Variants in GRID2 observed in about 807,000 individuals in gnomAD.
The protein encoded by GRID2 is glutamate receptor ionotropic, delta-2.
A neutral mutation model predicts 114.8 loss-of-function variants in GRID2; 33 were observed. That is an observed-to-expected ratio of 0.29 (90% confidence interval 0.22 to 0.38). The LOEUF (loss-of-function observed/expected upper bound fraction) is 0.38, where lower values mean the gene tolerates loss of function less well. GRID2 is among the 10% of genes least tolerant of loss of function. The pLI is 1.00. For missense variants in GRID2, 1,184 were observed against 1,257.7 expected (o/e 0.94, Z 0.89); for synonymous variants, 505 against 449.9 (o/e 1.12, Z -1.55).
chr4:93,207,627 ATAAAG>A (rs1384515067), intron 5 of GRID2, among the ~76,000 whole-genome samples, 170 bp downstream of exon 5: 3 of 152,170 alleles, frequency 2.0e-5, no homozygotes, highest in African/African-American at 7.2e-5. Flanking sequence ...TTTAAAAATG[ATAAAG>A]GGTTTTATAT....
chr4:93,025,776 A>C (rs1723829166), intron 2 of GRID2, among the ~76,000 whole-genome samples: 1 of 151,888 alleles, frequency 6.6e-6, no homozygotes, highest in African/African-American at 2.4e-5. Context: ...CCATGAGATA[A>C]TGTAGATGAA....
At chr4:93,644,635 G>A (rs1434796235) in intron 14 of GRID2, among the ~76,000 whole-genome samples, 5 of 152,092 alleles carry the variant, frequency 3.3e-5, no homozygotes, top group Non-Finnish European at 1.5e-5. Flanking sequence ...AATTTTACTA[G>A]TATTAATTTC....
chr4:92,366,464 C>A (rs1728871452), intron 1 of GRID2, among the ~76,000 whole-genome samples: 1 of 151,960 alleles, frequency 6.6e-6, no homozygotes. Context: ...ATCCATACAA[C>A]CAGCTTAGCA....
intron 2 of GRID2, among the ~76,000 whole-genome samples, chr4:92,700,999 A>AACAAAACAAC (rs1553918280): frequency 9.1e-5 from 12 of 132,034 alleles, no homozygotes; most frequent in African/African-American, 3.1e-4. Context: ...ATCTCAAAAA[A>AACAAAACAAC]AAAAAAAAAA....
intron 11 of GRID2, among the ~76,000 whole-genome samples, chr4:93,462,637 A>G (rs1156882544): frequency 2.0e-5 from 3 of 152,180 alleles, no homozygotes; most frequent in African/African-American, 7.2e-5. Context: ...ATTCTTTTCT[A>G]TTGAATTAGG....
chr4:92,703,891 GAC>G (rs1734804983), intron 2 of GRID2, among the ~76,000 whole-genome samples: 1 of 151,996 alleles, frequency 6.6e-6, no homozygotes, highest in African/African-American at 2.4e-5. Context: ...AAAAATAAAA[GAC>G]AATGATACTC....
At chr4:93,351,420 T>C (rs112695154) in intron 8 of GRID2, among the ~76,000 whole-genome samples, 1 of 152,146 alleles carries the variant, frequency 6.6e-6, no homozygotes, top group African/African-American at 2.4e-5. Context: ...GGATTAGCCT[T>C]TGAGACTGAT....
intron 2 of GRID2, among the ~76,000 whole-genome samples, chr4:93,041,058 A>C (rs924204779): frequency 3.9e-5 from 6 of 152,136 alleles, no homozygotes; most frequent in Non-Finnish European, 7.4e-5. Context: ...CACACAACAG[A>C]ATTTGAAAGC....
intron 1 of GRID2, among the ~76,000 whole-genome samples, chr4:92,506,611 T>TTA (rs1553943335): frequency 6.6e-6 from 1 of 151,822 alleles, no homozygotes; most frequent in Non-Finnish European, 1.5e-5. Flanking sequence ...GTCTTTTTTT[T>TTA]ATTAGATTAA....
At chr4:93,474,287 A>G (rs1725110704) in intron 11 of GRID2, among the ~76,000 whole-genome samples, 1 of 152,116 alleles carries the variant, frequency 6.6e-6, no homozygotes, top group African/African-American at 2.4e-5. Context: ...TTATTCACCT[A>G]TTACTTCTCT....
At chr4:92,992,167 A>G (rs985472332) in intron 2 of GRID2, among the ~76,000 whole-genome samples, 3 of 152,156 alleles carry the variant, frequency 2.0e-5, no homozygotes, top group Admixed American at 1.3e-4. Flanking sequence ...CATTTTCACT[A>G]TTTATCTCAG....
chr4:93,051,587 G>T (rs928536481), intron 2 of GRID2, among the ~76,000 whole-genome samples: 1 of 152,030 alleles, frequency 6.6e-6, no homozygotes, highest in Non-Finnish European at 1.5e-5. Context: ...ACTTGTCTGA[G>T]ATCGCTGAAG....
At chr4:92,803,835 A>T (rs1439596147) in intron 2 of GRID2, among the ~76,000 whole-genome samples, 1 of 152,018 alleles carries the variant, frequency 6.6e-6, no homozygotes, top group Non-Finnish European at 1.5e-5. Flanking sequence ...TTCAAATGAC[A>T]ATGAGACTTT....
chr4:92,923,784 A>G (rs1006923451), intron 2 of GRID2, among the ~76,000 whole-genome samples: 4 of 152,136 alleles, frequency 2.6e-5, no homozygotes, highest in Non-Finnish European at 5.9e-5. Context: ...AGACTGCGAC[A>G]TTGAAATTAT....
At chr4:93,205,609 G>A (rs1240470749) in intron 4 of GRID2, among the ~76,000 whole-genome samples, 1 of 152,026 alleles carries the variant, frequency 6.6e-6, no homozygotes, top group South Asian at 2.1e-4. Flanking sequence ...ATAGTGCCGC[G>A]ATAAACATAC....
At chr4:92,916,402 C>T (rs1443151674) in intron 2 of GRID2, among the ~76,000 whole-genome samples, 1 of 152,052 alleles carries the variant, frequency 6.6e-6, no homozygotes, top group East Asian at 1.9e-4. Context: ...GGTATATGTG[C>T]ACAACTTAAA....
intron 1 of GRID2, among the ~76,000 whole-genome samples, chr4:92,478,962 T>C (rs889375661): frequency 1.3e-5 from 2 of 152,120 alleles, no homozygotes; most frequent in African/African-American, 4.8e-5. Flanking sequence ...TCTCAGGATT[T>C]ATGAGTTTCC....
chr4:93,527,599 GTAATA>G (rs1422276099), intron 13 of GRID2, among the ~76,000 whole-genome samples: 1 of 151,930 alleles, frequency 6.6e-6, no homozygotes, highest in Non-Finnish European at 1.5e-5. Context: ...AAATTGGCTT[GTAATA>G]TAATCTAAGC....
intron 4 of GRID2, among the ~76,000 whole-genome samples, chr4:93,176,975 G>A (rs918323174): frequency 1.3e-5 from 2 of 152,120 alleles, no homozygotes; most frequent in African/African-American, 2.4e-5. Flanking sequence ...TCACCTTGTT[G>A]TCATTAGAGT....
Sources: gnomAD v4.1 joint callset for allele counts (sites outside exome capture counted in the v4.1 genomes callset) on GRCh38, gnomAD v4.1.1 for gene constraint, MANE v1.5 for transcripts, NCBI Gene and HGNC (gene_info 2026-07-23, HGNC 2026-07-21) for gene names.